Variants in GRM7 observed in about 807,000 individuals in gnomAD.
The protein encoded by GRM7 is metabotropic glutamate receptor 7.
Under a neutral mutation model 84.5 loss-of-function variants are expected in GRM7, and 35 were observed. The ratio of observed to expected loss-of-function variants is 0.41; its 90% CI spans 0.32 to 0.55. The LOEUF (loss-of-function observed/expected upper bound fraction) is 0.55, where lower values mean the gene tolerates loss of function less well. Among genes scored for constraint, GRM7 ranks in the 20% least tolerant of loss-of-function variants. The pLI is 0.19. For synonymous variants in GRM7, 487 were observed against 455.1 expected, an observed-to-expected ratio of 1.07 and a Z score of -0.89; for missense variants, 1,003 against 1,194.6, an observed-to-expected ratio of 0.84 and a Z score of 2.36.
chr3:7,490,317 A>G (rs1699474494), intron 7 of GRM7, among the ~76,000 whole-genome samples: 1 of 152,184 alleles, frequency 6.6e-6, no homozygotes, highest in African/African-American at 2.4e-5. Flanking sequence ...CTTTAGGGCA[A>G]AATATGAGCT....
At chr3:7,457,584 C>T (rs187376503) in intron 6 of GRM7, among the ~76,000 whole-genome samples, 83 of 152,264 alleles carry the variant, frequency 5.5e-4, no homozygotes, top group African/African-American at 2.0e-3. Flanking sequence ...GTAGAGATGG[C>T]AGATCTCACA....
At chr3:7,168,844 G>A (rs1176734700) in intron 2 of GRM7, among the ~76,000 whole-genome samples, 1 of 152,066 alleles carries the variant, frequency 6.6e-6, no homozygotes, top group East Asian at 1.9e-4. Context: ...ATTTCATCTT[G>A]TCTTGATATT....
intron 5 of GRM7, among the ~76,000 whole-genome samples, chr3:7,439,198 A>G (rs1697184326): frequency 6.6e-6 from 1 of 152,162 alleles, no homozygotes; most frequent in Admixed American, 6.6e-5. Flanking sequence ...GTGAGCAGAG[A>G]CAATGACCAC....
At chr3:7,389,895 G>C (rs1694925029) in intron 4 of GRM7, among the ~76,000 whole-genome samples, 2 of 151,972 alleles carry the variant, frequency 1.3e-5, no homozygotes, top group South Asian at 4.1e-4. Flanking sequence ...GGTGTTGTTA[G>C]TACTTGTTTC....
At chr3:6,998,009 C>T (rs1038539010) in intron 1 of GRM7, among the ~76,000 whole-genome samples, 1 of 149,472 alleles carries the variant, frequency 6.7e-6, no homozygotes, top group African/African-American at 2.5e-5. Flanking sequence ...ATACCAGCTA[C>T]TTGGGAGGTT....
At chr3:7,241,230 G>A (rs761221514) in intron 2 of GRM7, among the ~76,000 whole-genome samples, 1 of 152,116 alleles carries the variant, frequency 6.6e-6, no homozygotes, top group Non-Finnish European at 1.5e-5. Context: ...TTGATCAAAA[G>A]CATTTGATGT....
At chr3:7,054,762 T>C (rs1697152376) in intron 1 of GRM7, among the ~76,000 whole-genome samples, 1 of 151,888 alleles carries the variant, frequency 6.6e-6, no homozygotes, top group Non-Finnish European at 1.5e-5. Flanking sequence ...TCTCTCTCTC[T>C]ACCCATCGTT....
At chr3:7,638,652 G>C (rs1037602467) in intron 8 of GRM7, among the ~76,000 whole-genome samples, 12 of 152,196 alleles carry the variant, frequency 7.9e-5, no homozygotes, top group Non-Finnish European at 1.6e-4. Flanking sequence ...AGTTTGGGCT[G>C]TTGCCATAAT....
intron 1 of GRM7, among the ~76,000 whole-genome samples, chr3:6,981,875 C>A (rs903320706): frequency 1.3e-4 from 20 of 152,056 alleles, no homozygotes; most frequent in African/African-American, 4.8e-4. Flanking sequence ...GTTCAGCCAC[C>A]GTGGAAAGCA....
Position 7,161,422 on chromosome 3 carries a change from G to GA in GRM7, c.736+14770dup, listed in dbSNP as rs75862127. ...TAACACTTTTTCTTTGTAATGACCT[G>GA]AAAAAAAAAAAAAAAAGAGAAATGT... On this transcript the variant is annotated intron_variant, in intron 2 of 9. Transcript: ENST00000357716. Among the ~76,000 whole-genome samples, 172 of 134,720 alleles carry GA rather than the reference G, an allele frequency of 1.3e-3. 1 individual carries two copies. Among genetic ancestry groups the GA allele is most frequent in the East Asian group, 1.8e-3 (8 of 4,482 alleles). 88.4% of individuals were successfully genotyped at this position (134,720 alleles called of 152,430 possible). A position where few individuals can be genotyped will look rare whatever the true frequency, so the allele number is the denominator to read the frequency against.
chr3:7,440,123 G>A (rs1205136043), intron 5 of GRM7, among the ~76,000 whole-genome samples: 1 of 152,190 alleles, frequency 6.6e-6, no homozygotes, highest in Non-Finnish European at 1.5e-5. Context: ...CAGGATCAGA[G>A]AGGCTTGTCC....
chr3:7,507,299 G>C (rs1487537911), intron 7 of GRM7, among the ~76,000 whole-genome samples: 1 of 152,114 alleles, frequency 6.6e-6, no homozygotes, highest in African/African-American at 2.4e-5. Flanking sequence ...AGAGTGTCTG[G>C]TCAGGACACA....
chr3:7,419,494 C>T (rs867653030), intron 5 of GRM7, among the ~76,000 whole-genome samples: 2 of 152,268 alleles, frequency 1.3e-5, no homozygotes, highest in Middle Eastern at 3.4e-3. Context: ...CCAACATTTG[C>T]TCATCTTCTT....
chr3:7,262,532 T>A (rs946766261), intron 2 of GRM7, among the ~76,000 whole-genome samples: 1 of 152,226 alleles, frequency 6.6e-6, no homozygotes, highest in Non-Finnish European at 1.5e-5. Context: ...CTCCCCTGGA[T>A]TGAGTTTCAG....
chr3:7,394,444 G>A (rs1403006184), intron 4 of GRM7, among the ~76,000 whole-genome samples: 1 of 152,152 alleles, frequency 6.6e-6, no homozygotes, highest in Non-Finnish European at 1.5e-5. Flanking sequence ...GTTTGCCACT[G>A]AAAGAGAAAC....
rs79906657 is a variant in GRM7 at position 6,928,408 on chromosome 3, T to C, written c.519+66501T>C. On this transcript the variant is annotated intron_variant, in intron 1 of 9. Transcript: ENST00000357716. The surrounding 1 kb of genome is among the most constrained non-coding windows in gnomAD (Gnocchi z 4.5). ...AGTGAATTTGCATTGATATTCGATA[T>C]AGGCATCATGGCATATGAGGAAGCA... Among the ~76,000 whole-genome samples the C allele has an allele frequency of 9.2e-3, 1,407 of 152,294 alleles. 21 individuals carry two copies. Among genetic ancestry groups the C allele is most frequent in the African/African-American group, 0.032 (1,336 of 41,554 alleles).
intron 2 of GRM7, among the ~76,000 whole-genome samples, chr3:7,167,980 A>T (rs1447715448): frequency 1.0e-5 from 1 of 98,510 alleles, no homozygotes; most frequent in Non-Finnish European, 1.7e-5. Flanking sequence ...TCTCAAAAAA[A>T]AAAAAAAAAA....
chr3:7,189,920 CACACACAGACCT>C (rs1695652114), intron 2 of GRM7, among the ~76,000 whole-genome samples: 2 of 151,590 alleles, frequency 1.3e-5, no homozygotes, highest in South Asian at 4.2e-4. Flanking sequence ...GCATTATTTA[CACACACAGACCT>C]ACACACATAT....
chr3:7,132,788 A>G (rs1172544669), intron 1 of GRM7, among the ~76,000 whole-genome samples: 1 of 152,306 alleles, frequency 6.6e-6, no homozygotes, highest in Non-Finnish European at 1.5e-5. Context: ...GTGGCTTCGG[A>G]ATCATTAAGT....
Sources: gnomAD v4.1 joint callset for allele counts (sites outside exome capture counted in the v4.1 genomes callset) on GRCh38, gnomAD v4.1.1 for gene constraint, Gnocchi (gnomAD v3.1) non-coding constraint, MANE v1.5 for transcripts, NCBI Gene and HGNC (gene_info 2026-07-23, HGNC 2026-07-21) for gene names.